Variants in CFAP299 observed in about 807,000 individuals in gnomAD.
CFAP299 encodes cilia and flagella associated protein 299, also known as cilia- and flagella-associated protein 299.
In CFAP299, 21 loss-of-function variants were observed where a neutral mutation model predicts 27.0. The observed-to-expected ratio is 0.78, with a 90% CI of 0.55 to 1.12. The LOEUF is 1.12. Among genes scored for constraint, CFAP299 ranks in the 50% most tolerant of loss-of-function variants. The probability of loss-of-function intolerance (pLI) is 0.00; values close to 1 mark genes in which losing one functional copy is unlikely to be tolerated. For synonymous variants in CFAP299, 104 were observed against 98.1 expected (o/e 1.06, Z -0.36); for missense variants, 310 against 276.6 (o/e 1.12, Z -0.86).
intron 4 of CFAP299, among the ~76,000 whole-genome samples, chr4:80,884,654 CAAA>C (rs34255857): frequency 0.13 from 17,719 of 138,030 alleles, 2,209 homozygotes; most frequent in African/African-American, 0.32. Flanking sequence ...TAGCGAATAC[CAAA>C]AAAAAAAAAA....
rs1470292865 is a variant in CFAP299 at position 80,800,245 on chromosome 4, T to C, written c.334-69748T>C. Among the ~76,000 whole-genome samples the C allele has an allele frequency of 2.2e-3, 156 of 69,368 alleles. 1 individual carries two copies. The highest frequency in any genetic ancestry group is 9.8e-3 in the African/African-American group (154 of 15,742). The allele number at this position is 69,368 out of a possible 152,430, so 45.5% of individuals were successfully genotyped here. A position where few individuals can be genotyped will look rare whatever the true frequency, so the allele number is the denominator to read the frequency against. On this transcript the variant is annotated intron_variant, in intron 3 of 5. Coordinates refer to ENST00000358105, the MANE Select transcript of CFAP299 (RefSeq NM_152770.3). Reference sequence around the variant, plus strand: ...ATAATATATAATAAATAATATAATATATAATATATATTATATAAATAAAAT... The same window carrying C: ...ATAATATATAATAAATAATATAATACATAATATATATTATATAAATAAAAT...
At chr4:80,423,103 C>T (rs1238643891) in intron 2 of CFAP299, among the ~76,000 whole-genome samples, 3 of 152,182 alleles carry the variant, frequency 2.0e-5, no homozygotes, top group Admixed American at 2.0e-4. Context: ...TTGCATAAGG[C>T]AGCTCCATTA....
At chr4:80,384,814 G>A (rs567444101) in intron 2 of CFAP299, among the ~76,000 whole-genome samples, 183 of 152,236 alleles carry the variant, frequency 1.2e-3, no homozygotes, top group Non-Finnish European at 2.3e-3. Flanking sequence ...TTAAGTCAAT[G>A]TCCTCCTCAT....
At chr4:80,890,942 T>G (rs1185374072) in intron 4 of CFAP299, among the ~76,000 whole-genome samples, 7 of 151,126 alleles carry the variant, frequency 4.6e-5, no homozygotes, top group African/African-American at 9.7e-5. Flanking sequence ...TTTGAGTTCA[T>G]TGTAGATTCT....
At chr4:80,546,427 GA>G (rs1734231540) in intron 2 of CFAP299, among the ~76,000 whole-genome samples, 1 of 152,104 alleles carries the variant, frequency 6.6e-6, no homozygotes, top group South Asian at 2.1e-4. Context: ...CCAAGGAGGT[GA>G]AAACTCTCTA....
chr4:80,380,459 A>C, intron 2 of CFAP299, among the ~76,000 whole-genome samples: 1 of 118,176 alleles, frequency 8.5e-6, no homozygotes, highest in Admixed American at 1.2e-4. Context: ...ATAGAATCTC[A>C]CTCTGTTGCA....
chr4:80,824,683 G>A (rs1451416896), intron 3 of CFAP299, among the ~76,000 whole-genome samples: 2 of 152,108 alleles, frequency 1.3e-5, no homozygotes, highest in East Asian at 1.9e-4. Context: ...AAAGATGTGA[G>A]AGGACCTTAA....
At chr4:80,527,393 G>A (rs992878105) in intron 2 of CFAP299, among the ~76,000 whole-genome samples, 2 of 152,008 alleles carry the variant, frequency 1.3e-5, no homozygotes, top group African/African-American at 2.4e-5. Flanking sequence ...TCATCACAAC[G>A]TTAGTTTATG....
At chr4:80,857,735 C>T (rs1367602635) in intron 3 of CFAP299, among the ~76,000 whole-genome samples, 4 of 152,160 alleles carry the variant, frequency 2.6e-5, no homozygotes, top group African/African-American at 9.7e-5. Context: ...TTGAACCAGC[C>T]TTGCACCCCA....
intron 3 of CFAP299, among the ~76,000 whole-genome samples, chr4:80,864,854 T>G (rs991195165): frequency 6.6e-6 from 1 of 152,128 alleles, no homozygotes; most frequent in Non-Finnish European, 1.5e-5. Flanking sequence ...CTTAGCAAAA[T>G]AGTGTTATTT....
chr4:80,850,749 T>A (rs1159049636), intron 3 of CFAP299, among the ~76,000 whole-genome samples: 4 of 152,040 alleles, frequency 2.6e-5, no homozygotes, highest in African/African-American at 9.7e-5. Context: ...TCTTAGCTAA[T>A]TTTGAAAATG....
At chr4:80,672,536 A>T (rs973036198) in intron 3 of CFAP299, among the ~76,000 whole-genome samples, 5 of 151,998 alleles carry the variant, frequency 3.3e-5, no homozygotes, top group Non-Finnish European at 5.9e-5. Flanking sequence ...GTTAGGGAGG[A>T]TTCCCTCTTT....
intron 2 of CFAP299, among the ~76,000 whole-genome samples, chr4:80,541,541 A>G (rs1394859386): frequency 6.6e-6 from 1 of 152,134 alleles, no homozygotes; most frequent in Non-Finnish European, 1.5e-5. Flanking sequence ...TTGATGTTTT[A>G]TCTTCCCCCA....
intron 3 of CFAP299, among the ~76,000 whole-genome samples, chr4:80,805,193 T>A (rs916118635): frequency 3.9e-5 from 6 of 151,996 alleles, no homozygotes; most frequent in Non-Finnish European, 5.9e-5. Context: ...AATATTTAGG[T>A]TTTATATTTA....
intron 3 of CFAP299, among the ~76,000 whole-genome samples, chr4:80,713,069 C>CT (rs1187755127): frequency 6.6e-6 from 1 of 152,024 alleles, no homozygotes; most frequent in Admixed American, 6.6e-5. Flanking sequence ...AAAAACTAAC[C>CT]ATTCAAGGGT....
intron 3 of CFAP299, among the ~76,000 whole-genome samples, chr4:80,862,276 A>G (rs1036510395): frequency 2.0e-5 from 3 of 152,124 alleles, no homozygotes; most frequent in Non-Finnish European, 4.4e-5. Context: ...AGGCTGAGGC[A>G]GGAGAATCAC....
intron 2 of CFAP299, among the ~76,000 whole-genome samples, chr4:80,510,415 C>A (rs894825494): frequency 6.6e-6 from 1 of 152,110 alleles, no homozygotes; most frequent in African/African-American, 2.4e-5. Context: ...AAAGTGGATT[C>A]CTTGCCTCAA....
intron 3 of CFAP299, among the ~76,000 whole-genome samples, chr4:80,607,392 G>T (rs535525288): frequency 1.1e-5 from 1 of 92,498 alleles, no homozygotes; most frequent in East Asian, 3.4e-4. Context: ...TTTCTTAAAA[G>T]CAAAAAGTAG....
chr4:80,934,825 A>C (rs7661906), intron 4 of CFAP299, among the ~76,000 whole-genome samples: 1 of 151,834 alleles, frequency 6.6e-6, no homozygotes, highest in Non-Finnish European at 1.5e-5. Flanking sequence ...TATCTTTTCT[A>C]ACAGCCAGCT....
Sources: allele counts gnomAD v4.1 joint callset (sites outside exome capture counted in the v4.1 genomes callset), GRCh38; gene constraint gnomAD v4.1.1; transcripts MANE v1.5; gene names NCBI Gene and HGNC (gene_info 2026-07-23, HGNC 2026-07-21).